The following ANKRD13C variants were observed in gnomAD, a reference collection of about 807,000 sequenced individuals.
ANKRD13C encodes ankyrin repeat domain-containing protein 13C.
Under a neutral mutation model 65.5 loss-of-function variants are expected in ANKRD13C, and 16 were observed. The ratio of observed to expected loss-of-function variants is 0.24; its 90% CI spans 0.17 to 0.37. The LOEUF (loss-of-function observed/expected upper bound fraction) is 0.37, where lower values mean the gene tolerates loss of function less well. Among genes scored for constraint, ANKRD13C ranks in the 10% least tolerant of loss-of-function variants. The pLI is 1.00. For synonymous variants in ANKRD13C, 235 were observed against 238.7 expected (o/e 0.98, Z 0.14); for missense variants, 503 against 655.9 (o/e 0.77, Z 2.55).
At chr1:70,346,885 A>G (rs1682548356) in intron 1 of ANKRD13C, among the ~76,000 whole-genome samples, 1 of 151,896 alleles carries the variant, frequency 6.6e-6, no homozygotes, top group African/African-American at 2.4e-5. Context: ...AGGTCAGGAG[A>G]TCGAGACCAT....
At chr1:70,327,997 G>A (rs1470889011) in intron 2 of ANKRD13C, among the ~76,000 whole-genome samples, 2 of 151,972 alleles carry the variant, frequency 1.3e-5, no homozygotes, top group African/African-American at 4.8e-5. Flanking sequence ...CCCAGAAGGC[G>A]GAGGTTGCAG....
intron 6 of ANKRD13C, among the ~76,000 whole-genome samples, chr1:70,305,405 A>G (rs1261178931): frequency 6.6e-6 from 1 of 152,174 alleles, no homozygotes; most frequent in East Asian, 1.9e-4. Context: ...TTAAGACTTT[A>G]TATGAGATAA....
rs1203039622 is a variant in ANKRD13C, at chr1:70,296,160, C to G, written c.1023G>C (p.Gln341His). 6.2e-7 allele frequency: 1 copy of G among 1,613,830 alleles called. No homozygotes were observed. The highest frequency in any genetic ancestry group is 1.7e-5 in the Admixed American group (1 of 60,000). Residue 341 changes from glutamine to histidine, a missense_variant, in exon 8 of 13, where the codon CAG becomes CAC. Physicochemically the swap from Gln to His is conservative, Grantham distance 24. Transcript: ENST00000370944. ...TATCTTCCCGAAAAAGCCATCCTGT[C>G]TGGGCACGCGTGAAAGAAATTGATT... ...STKSISFTRA[Q>H]TGWLFREDKT...
chr1:70,270,817 C>CTA, intron 12 of ANKRD13C, 39 bp downstream of exon 12: 1 of 1,380,264 alleles, frequency 7.2e-7, no homozygotes, highest in Non-Finnish European at 1.0e-6. Context: ...CTCCATATTC[C>CTA]TAATGGACAC....
rs749116611 is a variant in ANKRD13C at position 70,354,216 on chromosome 1, C to A, written c.193G>T (p.Ala65Ser). 11 of 1,613,676 alleles carry A rather than the reference C, an allele frequency of 6.8e-6. No individual in the cohort carries two copies. The highest frequency in any genetic ancestry group is 9.3e-6 in the Non-Finnish European group (11 of 1,180,024). The change falls in exon 1 of 13, where the codon GCA (alanine) becomes TCA (serine). Residue 65 changes from alanine to serine, a missense_variant. This residue lies in a region of ANKRD13C where 203 missense variants were observed against 177.6 expected (regional missense o/e 1.14). Coordinates refer to ENST00000370944, the MANE Select transcript of ANKRD13C (RefSeq NM_030816.5). Reference sequence around the variant, plus strand: ...GGGGGATTGGAGGAGGCCGGAGCTGCCTTCAGCTGTAGCCGGTGGTGATGG... The same window carrying A: ...GGGGGATTGGAGGAGGCCGGAGCTGACTTCAGCTGTAGCCGGTGGTGATGG... ...SNHHHRLQLK[A>S]APASSNPPGA...
At chr1:70,305,102 A>G (rs1478152722) in intron 6 of ANKRD13C, among the ~76,000 whole-genome samples, 3 of 152,156 alleles carry the variant, frequency 2.0e-5, no homozygotes, top group Non-Finnish European at 4.4e-5. Flanking sequence ...TATTATCTAA[A>G]AAAAGAAAAA....
Position 70,261,331 on chromosome 1 carries a change from A to T in ANKRD13C, c.*1386T>A, listed in dbSNP as rs1323448689. On this transcript the variant is annotated 3_prime_UTR_variant, in exon 13 of 13. Coordinates refer to ENST00000370944, the MANE Select transcript of ANKRD13C (RefSeq NM_030816.5). ...ATAAGGGTCTCTAAACTCCTTTCAA[A>T]TTACCTAAAATCCTGAAAAAAGTTT... 2 of 152,072 alleles carry T rather than the reference A, an allele frequency of 1.3e-5. No homozygotes were observed. Among genetic ancestry groups the T allele is most frequent in the Admixed American group, 6.5e-5 (1 of 15,268 alleles). The allele number at this position is 152,072 out of a possible 1,614,324, so 9.4% of individuals were successfully genotyped here.
At chr1:70,343,827 C>T (rs915706913) in intron 1 of ANKRD13C, among the ~76,000 whole-genome samples, 17 of 152,144 alleles carry the variant, frequency 1.1e-4, no homozygotes, top group East Asian at 3.9e-4. Flanking sequence ...CATGAGCCAC[C>T]GCACCAGGCT....
intron 1 of ANKRD13C, among the ~76,000 whole-genome samples, chr1:70,344,876 C>T (rs976602351): frequency 5.3e-5 from 8 of 151,814 alleles, no homozygotes; most frequent in Non-Finnish European, 1.0e-4. Flanking sequence ...AACTATAATA[C>T]TCACTACGTG....
chr1:70,264,655 T>A (rs928428518), intron 12 of ANKRD13C, among the ~76,000 whole-genome samples: 9 of 152,110 alleles, frequency 5.9e-5, no homozygotes, highest in Admixed American at 5.9e-4. Context: ...ATATTTATTA[T>A]CTTTCAGACA....
intron 12 of ANKRD13C, among the ~76,000 whole-genome samples, chr1:70,270,051 C>A (rs1162787186): frequency 1.3e-5 from 2 of 152,036 alleles, no homozygotes; most frequent in Non-Finnish European, 2.9e-5. Context: ...AAACTATATG[C>A]AAAAATGAGT....
At chr1:70,297,680 C>T (rs1680149883) in intron 7 of ANKRD13C, among the ~76,000 whole-genome samples, 1 of 149,516 alleles carries the variant, frequency 6.7e-6, no homozygotes, top group African/African-American at 2.5e-5. Context: ...CTTTGGGAGG[C>T]CAAGGCAGGT....
intron 5 of ANKRD13C, among the ~76,000 whole-genome samples, chr1:70,308,196 A>C (rs904498202): frequency 1.3e-5 from 2 of 152,144 alleles, no homozygotes; most frequent in South Asian, 4.1e-4. Flanking sequence ...GGGTCTCCCT[A>C]TATTGGCCAG....
At chr1:70,289,504 A>T (rs996525549) in intron 9 of ANKRD13C, among the ~76,000 whole-genome samples, 1 of 151,626 alleles carries the variant, frequency 6.6e-6, no homozygotes, top group African/African-American at 2.4e-5. Context: ...TTGCTCTGTC[A>T]CCCAGGCTGG....
At chr1:70,276,706 G>C in intron 10 of ANKRD13C, 59 bp downstream of exon 10, 1 of 1,348,012 alleles carries the variant, frequency 7.4e-7, no homozygotes, top group Non-Finnish European at 1.0e-6. Flanking sequence ...CACATATTCA[G>C]TTTTTACAAA....
At chr1:70,296,499 G>T (rs560051198) in intron 7 of ANKRD13C, among the ~76,000 whole-genome samples, 1 of 152,222 alleles carries the variant, frequency 6.6e-6, no homozygotes, top group East Asian at 1.9e-4. Context: ...CAGGACACAT[G>T]AAATACGGTA....
At chr1:70,308,035 C>G (rs919039464) in intron 5 of ANKRD13C, among the ~76,000 whole-genome samples, 22 of 152,230 alleles carry the variant, frequency 1.4e-4, no homozygotes, top group African/African-American at 5.1e-4. Context: ...TATAAATGAT[C>G]AAAGTTCTTT....
chr1:70,264,537 G>A (rs1678527140), intron 12 of ANKRD13C, among the ~76,000 whole-genome samples: 1 of 145,250 alleles, frequency 6.9e-6, no homozygotes. Context: ...TCTGTAAACA[G>A]CTTTTTTGGA....
At position 70,354,317 on chromosome 1, in the gene ANKRD13C, G is replaced by T. The variant is rs541837487; in HGVS notation, c.92C>A (p.Ala31Glu). 1 of 1,614,106 alleles carries T rather than the reference G, an allele frequency of 6.2e-7. No individual in the cohort carries two copies. The highest frequency in any genetic ancestry group is 1.3e-5 in the African/African-American group (1 of 75,060). The change falls in exon 1 of 13, where the codon GCG (alanine) becomes GAG (glutamate). Residue 31 changes from alanine to glutamate, a missense_variant. This residue lies in a region of ANKRD13C where 203 missense variants were observed against 177.6 expected (regional missense o/e 1.14). Transcript: ENST00000370944. ...GGTAAAGGTACCGCCGAGGGCAGCC[G>T]CCGCTTCCTCATCCCCGGGCTCCAG... ...DLLEPGDEEA[A>E]AALGGTFTRS... is the part of the protein sequence containing the mutation.
Sources: gnomAD v4.1 joint callset for allele counts (sites outside exome capture counted in the v4.1 genomes callset) on GRCh38, gnomAD v4.1.1 for gene constraint, gnomAD v4.1.1 regional missense constraint, MANE v1.5 for transcripts, NCBI Gene and HGNC (gene_info 2026-07-23, HGNC 2026-07-21) for gene names.